ADCY8: variants seen among roughly 807,000 people sequenced by gnomAD.
ADCY8 encodes adenylate cyclase type 8.
A neutral mutation model predicts 119.7 loss-of-function variants in ADCY8; 51 were observed. The ratio of observed to expected loss-of-function variants is 0.43; its 90% confidence interval spans 0.34 to 0.54. The LOEUF is 0.54. Ranked by LOEUF, ADCY8 falls within the 20% of genes least tolerant of loss-of-function variation. The pLI, the probability that ADCY8 is intolerant of heterozygous loss-of-function variation, is 0.03. For synonymous variants in ADCY8, 665 were observed against 651.0 expected, an observed-to-expected ratio of 1.02 and a Z score of -0.33; for missense variants, 1,383 against 1,598.8, an observed-to-expected ratio of 0.87 and a Z score of 2.30.
intron 1 of ADCY8, among the ~76,000 whole-genome samples, chr8:131,002,460 A>T (rs1025808493): frequency 6.6e-6 from 1 of 152,222 alleles, no homozygotes; most frequent in Non-Finnish European, 1.5e-5. Context: ...CAGAGATAAG[A>T]GGAAGGACAA....
At chr8:130,862,503 C>T (rs1175754522) in intron 9 of ADCY8, among the ~76,000 whole-genome samples, 1 of 152,166 alleles carries the variant, frequency 6.6e-6, no homozygotes, top group African/African-American at 2.4e-5. Flanking sequence ...AGCTCCGCCT[C>T]CCAGGTTCAC....
chr8:130,806,438 C>T (rs183717254), intron 14 of ADCY8, among the ~76,000 whole-genome samples: 112 of 152,290 alleles, frequency 7.4e-4, no homozygotes, highest in African/African-American at 1.8e-3. Flanking sequence ...AGAGGGCACA[C>T]ATTCAGATCA....
At chr8:130,944,687 A>G (rs1200094530) in intron 3 of ADCY8, among the ~76,000 whole-genome samples, 1 of 152,170 alleles carries the variant, frequency 6.6e-6, no homozygotes, top group Non-Finnish European at 1.5e-5. Context: ...CACCTCACTT[A>G]AAGGGATTTT....
intron 16 of ADCY8, among the ~76,000 whole-genome samples, chr8:130,784,514 T>C (rs1815190335): frequency 6.6e-6 from 1 of 152,222 alleles, no homozygotes; most frequent in Non-Finnish European, 1.5e-5. Context: ...CAATAAAGGC[T>C]AGATAGCCAA....
At chr8:130,843,926 A>G (rs1406213598) in intron 11 of ADCY8, among the ~76,000 whole-genome samples, 1 of 152,132 alleles carries the variant, frequency 6.6e-6, no homozygotes, top group Non-Finnish European at 1.5e-5. Flanking sequence ...GACCTGAAGG[A>G]GTTGGGCCTG....
At chr8:130,847,550 A>C in intron 10 of ADCY8, 37 bp from the exon 11 acceptor site, 1 of 1,528,124 alleles carries the variant, frequency 6.5e-7, no homozygotes, top group Non-Finnish European at 9.0e-7. Context: ...AACAACAAAA[A>C]CAAAAACAGG....
At chr8:130,796,001 A>C (rs978364927) in intron 15 of ADCY8, among the ~76,000 whole-genome samples, 3 of 152,196 alleles carry the variant, frequency 2.0e-5, no homozygotes, top group African/African-American at 7.2e-5. Context: ...GGCGCCCTTC[A>C]GCTGCTAATG....
chr8:130,975,454 C>G (rs1402071756), intron 2 of ADCY8, among the ~76,000 whole-genome samples: 1 of 152,116 alleles, frequency 6.6e-6, no homozygotes, highest in Non-Finnish European at 1.5e-5. Flanking sequence ...AATGCAGGAG[C>G]AAGAAACTCC....
chr8:130,822,562 C>G (rs1480702320), intron 12 of ADCY8, among the ~76,000 whole-genome samples: 2 of 151,344 alleles, frequency 1.3e-5, no homozygotes, highest in Non-Finnish European at 1.5e-5. Flanking sequence ...ATCCATCCAT[C>G]CATCCATCCA....
chr8:130,845,682 C>T (rs981511900), intron 11 of ADCY8, among the ~76,000 whole-genome samples: 1 of 152,156 alleles, frequency 6.6e-6, no homozygotes, highest in African/African-American at 2.4e-5. Flanking sequence ...TCCCAGGGCA[C>T]ATGGTCTGGC....
rs10572208 is a variant in ADCY8 at position 130,926,940 on chromosome 8, C to CATATATAT, written c.1481+10125_1481+10132dup. Among the ~76,000 whole-genome samples the CATATATAT allele has an allele frequency of 2.4e-3, 349 of 145,100 alleles. 7 individuals are homozygous for CATATATAT. The East Asian group carries it at 0.046, about 19-fold the overall frequency. Reference sequence around the variant, plus strand: ...TTTATGGTGTAATAGTATTCCATTACATATATATATATATATATATACACA... The same window carrying CATATATAT: ...TTTATGGTGTAATAGTATTCCATTACATATATATATATATATATATATATATATACACA... On this transcript the variant is annotated intron_variant, in intron 5 of 17. Transcript: ENST00000286355.
intron 5 of ADCY8, among the ~76,000 whole-genome samples, chr8:130,931,692 T>C (rs1820633766): frequency 6.6e-6 from 1 of 152,182 alleles, no homozygotes; most frequent in Admixed American, 6.5e-5. Flanking sequence ...GTGTTCACAA[T>C]TTCTTTCTTC....
At chr8:130,856,460 T>C (rs1000813868) in intron 9 of ADCY8, among the ~76,000 whole-genome samples, 1 of 152,044 alleles carries the variant, frequency 6.6e-6, no homozygotes, top group East Asian at 1.9e-4. Context: ...CACCTTCCCA[T>C]TGACAAGAGT....
chr8:130,871,863 C>A (rs1818371249), intron 8 of ADCY8, among the ~76,000 whole-genome samples: 1 of 152,058 alleles, frequency 6.6e-6, no homozygotes, highest in South Asian at 2.1e-4. Context: ...TTCTAGGATC[C>A]TTAGGAAAAG....
At chr8:130,978,691 A>C (rs1240836979) in intron 2 of ADCY8, among the ~76,000 whole-genome samples, 1 of 152,200 alleles carries the variant, frequency 6.6e-6, no homozygotes, top group African/African-American at 2.4e-5. Context: ...AAGCTTACCA[A>C]ACTCTAGTTT....
chr8:130,998,863 TA>T (rs796267721), intron 1 of ADCY8, among the ~76,000 whole-genome samples: 10 of 151,920 alleles, frequency 6.6e-5, no homozygotes, highest in Admixed American at 1.3e-4. Context: ...AAGTTCTAGT[TA>T]AAAAAAATGC....
At chr8:130,873,863 T>C (rs573854468) in intron 8 of ADCY8, among the ~76,000 whole-genome samples, 246 of 152,210 alleles carry the variant, frequency 1.6e-3, no homozygotes, top group African/African-American at 5.7e-3. Context: ...TAGCACATCT[T>C]TTATTAGTAT....
intron 5 of ADCY8, among the ~76,000 whole-genome samples, chr8:130,913,076 T>G (rs1486636452): frequency 6.6e-6 from 1 of 152,142 alleles, no homozygotes; most frequent in African/African-American, 2.4e-5. Flanking sequence ...TGTGAATACA[T>G]AGTAGGTGTA....
At chr8:130,860,902 G>A (rs1347189740) in intron 9 of ADCY8, among the ~76,000 whole-genome samples, 1 of 152,014 alleles carries the variant, frequency 6.6e-6, no homozygotes, top group Non-Finnish European at 1.5e-5. Flanking sequence ...TTGGTTTTCT[G>A]TTCCCGTATT....
Sources: allele counts gnomAD v4.1 joint callset (sites outside exome capture counted in the v4.1 genomes callset), GRCh38; gene constraint gnomAD v4.1.1; transcripts MANE v1.5; gene names NCBI Gene and HGNC (gene_info 2026-07-23, HGNC 2026-07-21).